Variants in PLEKHG6 observed in about 807,000 individuals in gnomAD.
PLEKHG6 encodes pleckstrin homology and RhoGEF domain containing G6.
PLEKHG6 carries 91 observed loss-of-function variants against 97.5 expected under a neutral mutation model. The observed-to-expected ratio is 0.93, with a 90% CI of 0.79 to 1.11. The LOEUF is 1.11. PLEKHG6 is among the 50% of genes most tolerant of loss of function. PLEKHG6 has a pLI of 0.00. For synonymous variants in PLEKHG6, 466 were observed against 425.5 expected, an observed-to-expected ratio of 1.10 and a Z score of -1.17; for missense variants, 1,044 against 1,031.0, an observed-to-expected ratio of 1.01 and a Z score of -0.17.
At chr12:6,325,917 AC>A (rs1947842411) in intron 13 of PLEKHG6, among the ~76,000 whole-genome samples, 1 of 152,168 alleles carries the variant, frequency 6.6e-6, no homozygotes, top group South Asian at 2.1e-4. Flanking sequence ...GGTAAGAAGT[AC>A]CCCCTCAGAC....
intron 13 of PLEKHG6, chr12:6,319,776 G>A: frequency 1.8e-6 from 2 of 1,140,066 alleles, no homozygotes; most frequent in Non-Finnish European, 2.4e-6. Context: ...TAGGTGCTAG[G>A]GAATCAGAAA....
At position 6,327,843 on chromosome 12, in the gene PLEKHG6, G is replaced by T; in HGVS notation, c.2260G>T (p.Ala754Ser). The T allele has an allele frequency of 6.6e-7, 1 of 1,507,922 alleles. No homozygotes were observed. 93.4% of individuals were successfully genotyped at this position (1,507,922 alleles called of 1,614,324 possible). A position where few individuals can be genotyped will look rare whatever the true frequency, so the allele number is the denominator to read the frequency against. The change falls in exon 15 of 16, where the codon GCC becomes TCC. Residue 754 changes from alanine (A) to serine (S), a missense_variant. Ala to Ser is a moderately conservative substitution (Grantham distance 99). Coordinates refer to ENST00000684764, the MANE Select transcript of PLEKHG6 (RefSeq NM_001384598.1). ...GCTGGCCAGCCAAAGGATTGAGGGG[G>T]CCGAGGAGCCCCGGGACAGCAGGCC... ...EELASQRIEGAEEPRDSRPRK... is the reference protein window; with the variant it reads ...EELASQRIEGSEEPRDSRPRK...
Position 6,315,693 on chromosome 12 carries a change from T to G in PLEKHG6, c.555+44T>G. 7.5e-7 allele frequency: 1 copy of G among 1,325,180 alleles called. No individual in the cohort carries two copies. The highest frequency in any genetic ancestry group is 1.3e-5 in the South Asian group (1 of 75,602). 82.1% of individuals were successfully genotyped at this position (1,325,180 alleles called of 1,614,324 possible). A position where few individuals can be genotyped will look rare whatever the true frequency, so the allele number is the denominator to read the frequency against. ...CAGCCCCGGCCCCATCTTCCCTGCATGAGCCCCCATCCTCCCAGACTGGAA... is the reference window on the plus strand; with the variant it reads ...CAGCCCCGGCCCCATCTTCCCTGCAGGAGCCCCCATCCTCCCAGACTGGAA... On this transcript the variant is annotated intron_variant, in intron 5 of 15. Coordinates refer to ENST00000684764, the MANE Select transcript of PLEKHG6 (RefSeq NM_001384598.1). The surrounding 1 kb of genome is among the most constrained non-coding windows in gnomAD (Gnocchi z 4.5).
At position 6,315,683 on chromosome 12, in the gene PLEKHG6, C is replaced by G. The variant is rs758602506; in HGVS notation, c.555+34C>G. 2 of 1,399,262 alleles carry G rather than the reference C, an allele frequency of 1.4e-6. No individual in the cohort carries two copies. Among genetic ancestry groups the G allele is most frequent in the Non-Finnish European group, 2.0e-6 (2 of 1,010,420 alleles). The allele number at this position is 1,399,262 out of a possible 1,614,324, so 86.7% of individuals were successfully genotyped here. A position where few individuals can be genotyped will look rare whatever the true frequency, so the allele number is the denominator to read the frequency against. ...CCCTCAGCCCCAGCCCCGGCCCCAT[C>G]TTCCCTGCATGAGCCCCCATCCTCC... is the stretch of plus-strand genomic sequence containing the variant. On this transcript the variant is annotated intron_variant, in intron 5 of 15. Coordinates refer to ENST00000684764, the MANE Select transcript of PLEKHG6 (RefSeq NM_001384598.1). The surrounding 1 kb of genome is among the most constrained non-coding windows in gnomAD (Gnocchi z 4.5).
At chr12:6,324,618 C>T (rs988659252) in intron 13 of PLEKHG6, among the ~76,000 whole-genome samples, 1 of 152,164 alleles carries the variant, frequency 6.6e-6, no homozygotes, top group Non-Finnish European at 1.5e-5. Flanking sequence ...GTTTCCTACC[C>T]CCAGGTACCC....
intron 15 of PLEKHG6, 69 bp from the exon 16 acceptor site, chr12:6,328,067 C>T (rs1947938828): frequency 1.9e-6 from 3 of 1,604,838 alleles, no homozygotes; most frequent in Non-Finnish European, 2.6e-6. Context: ...GGGCTCTCCG[C>T]CTCACTCTTC....
intron 2 of PLEKHG6, chr12:6,312,795 A>G (rs1404495236): frequency 8.2e-7 from 1 of 1,220,842 alleles, no homozygotes; most frequent in East Asian, 4.0e-5. Context: ...GTGGGTAGGG[A>G]CAGGAGGGTG....
At position 6,327,472 on chromosome 12, in the gene PLEKHG6, C is replaced by T. The variant is rs370131942; in HGVS notation, c.1889C>T (p.Pro630Leu). The change falls in exon 15 of 16, where the codon CCT becomes CTT. Residue 630 changes from proline (P) to leucine (L), a missense_variant. Transcript: ENST00000684764. ...TFSTLELRDI[P>L]LRPHPPDPQA... The stretch of plus-strand genomic sequence containing the variant: ...TCCACCCTGGAACTCCGGGACATCC[C>T]TCTGCGTCCCCACCCTCCCGACCCC... 3.1e-6 allele frequency: 5 copies of T among 1,611,904 alleles called. No individual in the cohort carries two copies. In the African/African-American group the frequency reaches 6.7e-5, roughly 22 times the overall value.
In PLEKHG6 at chr12:6,316,916, A is replaced by G. The variant is rs1459397854; in HGVS notation, c.757-387A>G. Reference sequence around the variant, plus strand: ...TGGGAGCCTTAGGTACCCCCTCCATAGGAGCAAGGCTTCTGAGCCAACTCT... The same window carrying G: ...TGGGAGCCTTAGGTACCCCCTCCATGGGAGCAAGGCTTCTGAGCCAACTCT... On this transcript the variant is annotated intron_variant, in intron 7 of 15. Coordinates refer to ENST00000684764, the MANE Select transcript of PLEKHG6 (RefSeq NM_001384598.1). This position sits in a 1 kb window ranked among gnomAD's most constrained non-coding sequence, Gnocchi z 4.1. 1.3e-5 allele frequency among the ~76,000 whole-genome samples: 2 copies of G among 152,132 alleles called. No individual in the cohort carries two copies. The highest frequency in any genetic ancestry group is 2.9e-5 in the Non-Finnish European group (2 of 68,002).
In PLEKHG6 at chr12:6,327,834, AT is replaced by A; in HGVS notation, c.2253del (p.Ile751MetfsTer15). 6.6e-7 allele frequency: 1 copy of A among 1,510,556 alleles called. No individual in the cohort carries two copies. Among genetic ancestry groups the A allele is most frequent in the Non-Finnish European group, 8.8e-7 (1 of 1,130,368 alleles). 93.6% of individuals were successfully genotyped at this position (1,510,556 alleles called of 1,614,324 possible). On this transcript the variant is annotated frameshift_variant, in exon 15 of 16. Coordinates refer to ENST00000684764, the MANE Select transcript of PLEKHG6 (RefSeq NM_001384598.1). LOFTEE classifies it high-confidence loss of function. ...EIREELASQRIEGAEEPRDSR... is the reference protein window; with the variant it reads ...EIREELASQRXEGAEEPRDSR... Reference sequence around the variant, plus strand: ...CCGGGAGGAGCTGGCCAGCCAAAGGATTGAGGGGGCCGAGGAGCCCCGGGAC... The same window carrying A: ...CCGGGAGGAGCTGGCCAGCCAAAGGATGAGGGGGCCGAGGAGCCCCGGGAC...
chr12:6,313,651 A>G lies in PLEKHG6; in HGVS notation c.161A>G (p.Gln54Arg). The G allele has an allele frequency of 6.2e-7, 1 of 1,614,078 alleles. No individual in the cohort carries two copies. Among genetic ancestry groups the G allele is most frequent in the East Asian group, 2.2e-5 (1 of 44,890 alleles). The change falls in exon 3 of 16, where the codon CAG (glutamine) becomes CGG (arginine). Residue 54 changes from glutamine to arginine, a missense_variant. Transcript: ENST00000684764. The part of the protein sequence containing the change: ...PVLDPSRRRL[Q>R]QYVPFARGSG... ...CAGGATCCCAGTCGCCGACGCCTCC[A>G]GCAGTATGTCCCCTTTGCCAGGGGT...
At position 6,319,001 on chromosome 12, in the gene PLEKHG6, C is replaced by A. The variant is rs1245222167; in HGVS notation, c.1417C>A (p.Leu473Met). The change falls in exon 13 of 16, where the codon CTG (leucine) becomes ATG (methionine). Residue 473 changes from leucine to methionine, a missense_variant. Transcript: ENST00000684764. ...CQPLRDPNSF[L>M]LIHLTEFQCV... is the part of the protein sequence containing the mutation. ...TTGTCTCCTCCATCCAGACAGCTTC[C>A]TGCTGATCCACCTCACTGAATTCCA... is the stretch of plus-strand genomic sequence containing the variant. 47 of 1,613,816 alleles carry A rather than the reference C, an allele frequency of 2.9e-5. No homozygotes were observed. The highest frequency in any genetic ancestry group is 3.8e-5 in the Non-Finnish European group (45 of 1,179,860).
chr12:6,313,242 CGA>C, intron 2 of PLEKHG6: 1 of 1,482,678 alleles, frequency 6.7e-7, no homozygotes, highest in Non-Finnish European at 9.2e-7. Flanking sequence ...AGGAGAGTTA[CGA>C]GAGACCAGAA....
intron 13 of PLEKHG6, among the ~76,000 whole-genome samples, chr12:6,324,536 C>T (rs1947807233): frequency 6.6e-6 from 1 of 152,182 alleles, no homozygotes; most frequent in Admixed American, 6.5e-5. Context: ...CACTTCTTCC[C>T]TCCCTTCACA....
At chr12:6,327,129 T>G in intron 14 of PLEKHG6, 125 bp from the exon 15 acceptor site, 1 of 647,996 alleles carries the variant, frequency 1.5e-6, no homozygotes, top group Non-Finnish European at 2.7e-6. Flanking sequence ...ACAATCACAG[T>G]GCGATGGAAA....
chr12:6,327,479 T>TTGGGC lies in PLEKHG6; in HGVS notation c.1896_1897insTGGGC (p.Pro633TrpfsTer24). The TTGGGC allele has an allele frequency of 6.2e-7, 1 of 1,603,258 alleles. No homozygotes were observed. The highest frequency in any genetic ancestry group is 8.5e-7 in the Non-Finnish European group (1 of 1,171,706). On this transcript the variant is annotated frameshift_variant, in exon 15 of 16. Transcript: ENST00000684764. LOFTEE classifies it high-confidence loss of function. The stretch of plus-strand genomic sequence containing the variant: ...TGGAACTCCGGGACATCCCTCTGCG[T>TTGGGC]CCCCACCCTCCCGACCCCCAAGCTC...
At chr12:6,325,381 C>A (rs1252858117) in intron 13 of PLEKHG6, among the ~76,000 whole-genome samples, 1 of 152,206 alleles carries the variant, frequency 6.6e-6, no homozygotes, top group Non-Finnish European at 1.5e-5. Context: ...GGCTAACATT[C>A]ATGTTCTCCA....
chr12:6,316,505 G>GC lies in PLEKHG6; in HGVS notation c.756+101_756+102insC. ...CACAGTATGCAAATCTCTGTGATTT[G>GC]AGGGGCCGCAGGACACAGCCCCTAC... On this transcript the variant is annotated intron_variant, in intron 7 of 15. Coordinates refer to ENST00000684764, the MANE Select transcript of PLEKHG6 (RefSeq NM_001384598.1). This position sits in a 1 kb window ranked among gnomAD's most constrained non-coding sequence, Gnocchi z 4.1. 1 of 1,183,658 alleles carries GC rather than the reference G, an allele frequency of 8.4e-7. No individual in the cohort carries two copies. Among genetic ancestry groups the GC allele is most frequent in the Non-Finnish European group, 1.2e-6 (1 of 863,376 alleles). 73.3% of individuals were successfully genotyped at this position (1,183,658 alleles called of 1,614,324 possible). A position where few individuals can be genotyped will look rare whatever the true frequency, so the allele number is the denominator to read the frequency against.
Position 6,317,578 on chromosome 12 carries a change from A to G in PLEKHG6, c.899A>G (p.Gln300Arg). The change falls in exon 9 of 16, where the codon CAG becomes CGG. Residue 300 changes from glutamine (Q) to arginine (R), a missense_variant. Physicochemically the swap from Gln to Arg is conservative, Grantham distance 43. Transcript: ENST00000684764. ...GAGAAGCACAAGCGCTCTGGGAGGC[A>G]GATGCTCTGTGACTTGCTTATCAAG... ...WCEKHKRSGR[Q>R]MLCDLLIKPH... 6.2e-7 allele frequency: 1 copy of G among 1,613,876 alleles called. No individual in the cohort carries two copies. Among genetic ancestry groups the G allele is most frequent in the Non-Finnish European group, 8.5e-7 (1 of 1,180,004 alleles).
Sources: allele counts gnomAD v4.1 joint callset (sites outside exome capture counted in the v4.1 genomes callset), GRCh38; gene constraint gnomAD v4.1.1; non-coding constraint Gnocchi (gnomAD v3.1); transcripts MANE v1.5; gene names NCBI Gene and HGNC (gene_info 2026-07-23, HGNC 2026-07-21).